GALNTL6: variants seen among roughly 807,000 people sequenced by gnomAD.
GALNTL6 encodes polypeptide N-acetylgalactosaminyltransferase-like 6.
A neutral mutation model predicts 73.7 loss-of-function variants in GALNTL6; 46 were observed. The observed-to-expected ratio is 0.62, with a 90% CI of 0.49 to 0.80. GALNTL6 has a LOEUF of 0.80. Among genes scored for constraint, GALNTL6 ranks in the 30% least tolerant of loss-of-function variants. The pLI, the probability that GALNTL6 is intolerant of heterozygous loss-of-function variation, is 0.00. For synonymous variants in GALNTL6, 259 were observed against 263.7 expected (o/e 0.98, Z 0.17); for missense variants, 604 against 755.0 (o/e 0.80, Z 2.34).
chr4:172,206,805 GTTTTTTTTGTTTGTTT>G lies in GALNTL6; in HGVS notation c.139-22842_139-22827del, dbSNP rs757918522. Among the ~76,000 whole-genome samples, 64 of 26,174 alleles carry G rather than the reference GTTTTTTTTGTTTGTTT, an allele frequency of 2.4e-3. 8 individuals carry two copies. The highest frequency in any genetic ancestry group is 0.033 in the Middle Eastern group (1 of 30). 17.2% of individuals were successfully genotyped at this position (26,174 alleles called of 152,430 possible). ...TTGTTTTGTTTTGTTTTGTTTTTCT[GTTTTTTTTGTTTGTTT>G]TTTTTTTTTTTTTTGAGACGGAGTC... On this transcript the variant is annotated intron_variant, in intron 2 of 12. Transcript: ENST00000506823.
At position 172,487,320 on chromosome 4, in the gene GALNTL6, T is replaced by G. The variant is rs555787349; in HGVS notation, c.553+138631T>G. Among the ~76,000 whole-genome samples, 1,037 of 120,770 alleles carry G rather than the reference T, an allele frequency of 8.6e-3. 13 individuals are homozygous for G. Among genetic ancestry groups the G allele is most frequent in the African/African-American group, 0.029 (952 of 33,374 alleles). 79.2% of individuals were successfully genotyped at this position (120,770 alleles called of 152,430 possible). A position where few individuals can be genotyped will look rare whatever the true frequency, so the allele number is the denominator to read the frequency against. Reference sequence around the variant, plus strand: ...CTTCTGTCTTTCTTTCTTTCTTTCTTTCTTTCTTTCTTTCTTTCTTTCTTT... The same window carrying G: ...CTTCTGTCTTTCTTTCTTTCTTTCTGTCTTTCTTTCTTTCTTTCTTTCTTT... On this transcript the variant is annotated intron_variant, in intron 5 of 12. Transcript: ENST00000506823.
chr4:172,743,873 T>C (rs1014651148), intron 5 of GALNTL6, among the ~76,000 whole-genome samples: 2 of 149,220 alleles, frequency 1.3e-5, no homozygotes, highest in Non-Finnish European at 3.0e-5. Context: ...CCAAGATCCA[T>C]CTATCTTCTG....
chr4:173,030,441 G>A (rs144381362), intron 12 of GALNTL6, among the ~76,000 whole-genome samples: 4 of 152,016 alleles, frequency 2.6e-5, no homozygotes, highest in African/African-American at 4.8e-5. Flanking sequence ...TGATCACTCC[G>A]AAATAGAAAG....
chr4:172,610,941 G>T (rs921485184), intron 5 of GALNTL6, among the ~76,000 whole-genome samples: 13 of 151,998 alleles, frequency 8.6e-5, no homozygotes, highest in Middle Eastern at 3.4e-3. Flanking sequence ...ATTATGTAAT[G>T]GCCTTGTCTT....
intron 12 of GALNTL6, among the ~76,000 whole-genome samples, chr4:173,031,907 T>C (rs1052862760): frequency 1.3e-5 from 2 of 152,094 alleles, no homozygotes; most frequent in African/African-American, 4.8e-5. Context: ...ATCAGAAGGG[T>C]GAAGAAGCCT....
intron 5 of GALNTL6, among the ~76,000 whole-genome samples, chr4:172,551,584 T>C (rs987783527): frequency 2.6e-5 from 4 of 152,176 alleles, no homozygotes; most frequent in African/African-American, 9.7e-5. Context: ...AAAAGAAGAA[T>C]GGAGGATGTG....
At chr4:172,665,366 G>A (rs1170554754) in intron 5 of GALNTL6, among the ~76,000 whole-genome samples, 3 of 152,138 alleles carry the variant, frequency 2.0e-5, no homozygotes, top group Non-Finnish European at 2.9e-5. Flanking sequence ...ATTGTGCACT[G>A]CCTCAAATCT....
chr4:172,704,059 A>G (rs1177300092), intron 5 of GALNTL6, among the ~76,000 whole-genome samples: 3 of 151,654 alleles, frequency 2.0e-5, no homozygotes, highest in Non-Finnish European at 4.4e-5. Flanking sequence ...TTAATCTCTA[A>G]TTTTATTTAT....
intron 3 of GALNTL6, among the ~76,000 whole-genome samples, chr4:172,306,207 G>A (rs902387495): frequency 7.2e-5 from 11 of 152,066 alleles, no homozygotes; most frequent in African/African-American, 2.2e-4. Flanking sequence ...TGGCTAACAT[G>A]GTGAAACCCT....
At chr4:172,107,671 T>C (rs1262776514) in intron 2 of GALNTL6, among the ~76,000 whole-genome samples, 2 of 104,690 alleles carry the variant, frequency 1.9e-5, no homozygotes, top group African/African-American at 7.6e-5. Context: ...CACCAGGGCC[T>C]GTTGTGGGGT....
intron 5 of GALNTL6, among the ~76,000 whole-genome samples, chr4:172,594,381 A>G (rs1308093095): frequency 1.3e-5 from 2 of 152,138 alleles, no homozygotes; most frequent in African/African-American, 4.8e-5. Flanking sequence ...TTCAACTTCT[A>G]TTAATACCCA....
At chr4:173,003,001 A>G (rs1297890342) in intron 10 of GALNTL6, among the ~76,000 whole-genome samples, 2 of 152,304 alleles carry the variant, frequency 1.3e-5, no homozygotes, top group East Asian at 1.9e-4. Flanking sequence ...TTATTGCTTA[A>G]TGATTAATAG....
At chr4:172,362,762 A>G (rs905663428) in intron 5 of GALNTL6, among the ~76,000 whole-genome samples, 5 of 152,188 alleles carry the variant, frequency 3.3e-5, no homozygotes, top group Non-Finnish European at 5.9e-5. Flanking sequence ...TCGCTTGATG[A>G]CATCATCATC....
At chr4:172,281,462 AG>A (rs761853754) in intron 3 of GALNTL6, among the ~76,000 whole-genome samples, 3 of 152,176 alleles carry the variant, frequency 2.0e-5, no homozygotes, top group Non-Finnish European at 4.4e-5. Context: ...TGGGAGGCCA[AG>A]GCAGTCGGAT....
intron 2 of GALNTL6, among the ~76,000 whole-genome samples, chr4:171,907,335 T>A (rs1578960487): frequency 6.6e-6 from 1 of 152,132 alleles, no homozygotes; most frequent in East Asian, 1.9e-4. Context: ...TCACAAGCAT[T>A]CTTATACACC....
At chr4:171,974,448 T>C (rs976216840) in intron 2 of GALNTL6, among the ~76,000 whole-genome samples, 2 of 152,192 alleles carry the variant, frequency 1.3e-5, no homozygotes, top group Non-Finnish European at 2.9e-5. Flanking sequence ...TGGTCCCTTG[T>C]CACATTTATC....
chr4:172,158,548 A>G (rs1057375736), intron 2 of GALNTL6, among the ~76,000 whole-genome samples: 6 of 151,970 alleles, frequency 3.9e-5, no homozygotes, highest in African/African-American at 1.4e-4. Context: ...GTAGTGAGGG[A>G]TATATTATGA....
chr4:172,367,396 A>G (rs1355484560), intron 5 of GALNTL6, among the ~76,000 whole-genome samples: 1 of 152,170 alleles, frequency 6.6e-6, no homozygotes, highest in African/African-American at 2.4e-5. Flanking sequence ...CAGAAGTTGC[A>G]TGGCTCAGGC....
At chr4:172,156,540 A>AATATATATATATATATATATATAATAT (rs1734275343) in intron 2 of GALNTL6, among the ~76,000 whole-genome samples, 1 of 125,186 alleles carries the variant, frequency 8.0e-6, no homozygotes, top group Non-Finnish European at 1.6e-5. Context: ...ATATATATAT[A>AATATATATATATATATATATATAATAT]ATATATATAT....
Sources: allele counts gnomAD v4.1 joint callset (sites outside exome capture counted in the v4.1 genomes callset), GRCh38; gene constraint gnomAD v4.1.1; transcripts MANE v1.5; gene names NCBI Gene and HGNC (gene_info 2026-07-23, HGNC 2026-07-21).